The following STK11IP variants were observed in gnomAD, a reference collection of about 807,000 sequenced individuals.
The protein encoded by STK11IP is serine/threonine-protein kinase 11-interacting protein.
STK11IP carries 103 observed loss-of-function variants against 131.7 expected under a neutral mutation model. The observed-to-expected ratio is 0.78, with a 90% CI of 0.67 to 0.92. The LOEUF (loss-of-function observed/expected upper bound fraction) is 0.92. STK11IP is among the 40% of genes least tolerant of loss of function. The pLI, the probability that STK11IP is intolerant of heterozygous loss-of-function variation, is 0.00. For synonymous variants in STK11IP, 557 were observed against 575.6 expected (o/e 0.97, Z 0.46); for missense variants, 1,315 against 1,385.7 (o/e 0.95, Z 0.81).
intron 23 of STK11IP, 33 bp from the exon 24 acceptor site, chr2:219,615,061 G>T: frequency 1.3e-6 from 2 of 1,594,286 alleles, no homozygotes; most frequent in South Asian, 1.1e-5. Context: ...GCCCCTCCAT[G>T]ACCTTCCACA....
At position 219,605,961 on chromosome 2, in the gene STK11IP, G is replaced by C. The variant is rs1184409966; in HGVS notation, c.751G>C (p.Glu251Gln). ...GNELRSLHGL[E>Q]QLRNLRHLDL... is the part of the protein sequence containing the mutation. ...CCTTCTTGCGTCCACCCCAGGCCTAGAGCAGCTGAGGAATCTGCGGCACCT... is the reference window on the plus strand; with the variant it reads ...CCTTCTTGCGTCCACCCCAGGCCTACAGCAGCTGAGGAATCTGCGGCACCT... The change falls in exon 9 of 25, where the codon GAG (glutamate) becomes CAG (glutamine). Residue 251 changes from glutamate to glutamine, a missense_variant. By Grantham distance (29) the Glu-to-Gln change is conservative. Transcript: ENST00000456909. 1.9e-6 allele frequency: 3 copies of C among 1,602,590 alleles called. No individual in the cohort carries two copies. The Admixed American group carries it at 5.1e-5, about 27-fold the overall frequency.
At chr2:219,599,536 A>G (rs1697909916) in intron 2 of STK11IP, among the ~76,000 whole-genome samples, 1 of 152,220 alleles carries the variant, frequency 6.6e-6, no homozygotes, top group African/African-American at 2.4e-5. Context: ...GTACATACAG[A>G]ATCCTTCATG....
chr2:219,601,834 G>A, intron 4 of STK11IP, 119 bp downstream of exon 4: 1 of 1,264,804 alleles, frequency 7.9e-7, no homozygotes, highest in South Asian at 1.3e-5. Flanking sequence ...CCATTGCTCT[G>A]CAGTCATGTG....
At position 219,609,010 on chromosome 2, in the gene STK11IP, C is replaced by T. The variant is rs901616186; in HGVS notation, c.1810-87C>T. 6 of 1,155,672 alleles carry T rather than the reference C, an allele frequency of 5.2e-6. No individual in the cohort carries two copies. The African/African-American group carries it at 9.2e-5, about 18-fold the overall frequency. 71.6% of individuals were successfully genotyped at this position (1,155,672 alleles called of 1,614,324 possible). A position where few individuals can be genotyped will look rare whatever the true frequency, so the allele number is the denominator to read the frequency against. ...AGGCCTTTGACAGGCTTCAGAGGTC[C>T]TGCCATCCTCCATGCTCTCAGCATC... On this transcript the variant is annotated intron_variant, in intron 15 of 24. Transcript: ENST00000456909.
intron 17 of STK11IP, chr2:219,610,100 A>G (rs1289209758): frequency 6.4e-6 from 1 of 156,318 alleles, no homozygotes; most frequent in Non-Finnish European, 1.4e-5. Context: ...GAAGACATTG[A>G]AGAAGAAATA....
At position 219,615,107 on chromosome 2, in the gene STK11IP, C is replaced by T; in HGVS notation, c.2883C>T (p.Cys961=). 6.2e-7 allele frequency: 1 copy of T among 1,609,216 alleles called. No homozygotes were observed. The highest frequency in any genetic ancestry group is 1.1e-5 in the South Asian group (1 of 90,264). ...CTTTCCCTGCAGGCCCTTCCACCTG[C>T]CTCGTATCCCTGTTGCTGACTCCGT... ...RAFLVEGPST[C]LVSLLLTPST... is the part of the protein sequence containing the mutation. The change falls in exon 24 of 25, where the codon TGC becomes TGT. Residue 961 remains cysteine, a synonymous_variant. Transcript: ENST00000456909.
intron 23 of STK11IP, 116 bp from the exon 24 acceptor site, chr2:219,614,978 T>C: frequency 1.5e-6 from 2 of 1,291,680 alleles, no homozygotes; most frequent in Non-Finnish European, 2.1e-6. Context: ...CAGGCTGCTT[T>C]GTGACCCACC....
In STK11IP at chr2:219,602,573, C is replaced by T. The variant is rs757281408; in HGVS notation, c.544C>T (p.Leu182=). The change falls in exon 6 of 25, where the codon CTG becomes TTG. Residue 182 remains leucine (L), a splice_region_variant and synonymous_variant. Coordinates refer to ENST00000456909, the MANE Select transcript of STK11IP (RefSeq NM_052902.4). The stretch of plus-strand genomic sequence containing the variant: ...TGCACTGACCGCCTTAGACAGCTCC[C>T]TGGTGAGTGCCTCAGAGGGAAGAGG... ...YNALTALDSS[L]RLLSALRFLN... is the part of the protein sequence containing the mutation. 8 of 1,613,756 alleles carry T rather than the reference C, an allele frequency of 5.0e-6. No individual in the cohort carries two copies. In the African/African-American group the frequency reaches 9.3e-5, roughly 19 times the overall value.
At chr2:219,606,951 T>G (rs1268096000) in intron 12 of STK11IP, 93 bp downstream of exon 12, 1 of 1,592,566 alleles carries the variant, frequency 6.3e-7, no homozygotes, top group Non-Finnish European at 8.6e-7. Context: ...GGAACTGTGC[T>G]TGCACGTGGT....
At chr2:219,598,270 T>TA in intron 2 of STK11IP, 90 bp downstream of exon 2, 3 of 961,298 alleles carry the variant, frequency 3.1e-6, no homozygotes, top group Non-Finnish European at 3.0e-6. Flanking sequence ...GTCATGGAGT[T>TA]ACGACTGGTA....
At chr2:219,608,005 G>A in intron 13 of STK11IP, 42 bp from the exon 14 acceptor site, 1 of 1,582,144 alleles carries the variant, frequency 6.3e-7, no homozygotes, top group Non-Finnish European at 8.6e-7. Flanking sequence ...GGCCATCTGT[G>A]TGGGGCAGGC....
Position 219,614,286 on chromosome 2 carries a change from C to G in STK11IP, c.2798+44C>G, listed in dbSNP as rs1209450714. ...GAGGCTGGGGTTGCTGCCCAATCCT[C>G]TTTCCACAGAGCCCCAGACATGGCC... On this transcript the variant is annotated intron_variant, in intron 22 of 24. Coordinates refer to ENST00000456909, the MANE Select transcript of STK11IP (RefSeq NM_052902.4). 3 of 1,605,158 alleles carry G rather than the reference C, an allele frequency of 1.9e-6. No individual in the cohort carries two copies. The African/African-American group carries it at 4.0e-5, about 21-fold the overall frequency.
chr2:219,606,267 C>T lies in STK11IP; in HGVS notation c.922C>T (p.Arg308Trp), dbSNP rs376333597. 2.6e-5 allele frequency: 41 copies of T among 1,570,016 alleles called. No individual in the cohort carries two copies. The highest frequency in any genetic ancestry group is 5.9e-5 in the South Asian group (5 of 85,416). The part of the protein sequence containing the change: ...RAATAQYLSP[R>W]ARDAATGFLL... Reference sequence around the variant, plus strand: ...AGCCACTGCCCAGTACTTGTCACCCCGGGCCAGGGATGCTGCTACTGGCGT... The same window carrying T: ...AGCCACTGCCCAGTACTTGTCACCCTGGGCCAGGGATGCTGCTACTGGCGT... Residue 308 changes from arginine (R) to tryptophan (W), a missense_variant, in exon 10 of 25, where the codon CGG becomes TGG. Coordinates refer to ENST00000456909, the MANE Select transcript of STK11IP (RefSeq NM_052902.4).
chr2:219,599,972 G>A (rs1033173306), intron 2 of STK11IP, among the ~76,000 whole-genome samples: 2 of 150,364 alleles, frequency 1.3e-5, no homozygotes, highest in South Asian at 2.1e-4. Flanking sequence ...TCCGGACCTC[G>A]TGATCCACCC....
At position 219,598,115 on chromosome 2, in the gene STK11IP, T is replaced by A. The variant is rs1322971116; in HGVS notation, c.-5T>A. ...CCAGGCTCCGCCCCCCAGCGTCCCG[T>A]GGCCATGACGACCGCTCAGAGGGAC... On this transcript the variant is annotated 5_prime_UTR_variant, in exon 2 of 25. Transcript: ENST00000456909. 2.4e-5 allele frequency: 38 copies of A among 1,590,312 alleles called. No homozygotes were observed. Among genetic ancestry groups the A allele is most frequent in the East Asian group, 4.7e-5 (2 of 42,764 alleles).
chr2:219,611,914 G>T (rs1473707652), intron 18 of STK11IP, 41 bp from the exon 19 acceptor site: 1 of 1,571,546 alleles, frequency 6.4e-7, no homozygotes, highest in Admixed American at 1.9e-5. Flanking sequence ...TGGAGCCCAG[G>T]GGCTGCCATG....
rs569931900 is a variant in STK11IP, at chr2:219,616,313, C to T, written c.*120C>T. 4.6e-5 allele frequency: 60 copies of T among 1,317,880 alleles called. No homozygotes were observed. The Middle Eastern group carries it at 1.1e-3, about 25-fold the overall frequency. 81.6% of individuals were successfully genotyped at this position (1,317,880 alleles called of 1,614,324 possible). ...GATGTCTTCAGCCTCTGGGTGCTGG[C>T]CAGTGAGGTCCCAAATGACCCAGGG... On this transcript the variant is annotated 3_prime_UTR_variant, in exon 25 of 25. Transcript: ENST00000456909.
intron 8 of STK11IP, 68 bp downstream of exon 8, chr2:219,605,802 G>A (rs1350494225): frequency 1.9e-6 from 3 of 1,552,514 alleles, no homozygotes; most frequent in African/African-American, 1.4e-5. Context: ...GGCTGGCCTG[G>A]GGACCATGTG....
Position 219,614,539 on chromosome 2 carries a change from G to C in STK11IP, c.2862G>C (p.Leu954=). 1 of 1,613,804 alleles carries C rather than the reference G, an allele frequency of 6.2e-7. No homozygotes were observed. Among genetic ancestry groups the C allele is most frequent in the Non-Finnish European group, 8.5e-7 (1 of 1,179,878 alleles). ...AGTTCTTCTACCTTCGGGCGTTCCT[G>C]GTTGAAGGTGAAGCCTCTGTGCAGC... is the stretch of plus-strand genomic sequence containing the variant. The part of the protein sequence containing the change: ...ARQFFYLRAF[L]VEGPSTCLVS... The change falls in exon 23 of 25, where the codon CTG becomes CTC. Residue 954 remains leucine, a synonymous_variant. Transcript: ENST00000456909.
Sources: gnomAD v4.1 joint callset for allele counts (sites outside exome capture counted in the v4.1 genomes callset) on GRCh38, gnomAD v4.1.1 for gene constraint, MANE v1.5 for transcripts, NCBI Gene and HGNC (gene_info 2026-07-23, HGNC 2026-07-21) for gene names.